Variants in FAN1 observed in about 807,000 individuals in gnomAD.
The protein encoded by FAN1 is FANCD2 and FANCI associated nuclease 1, also known as fanconi-associated nuclease 1.
In FAN1, 91 loss-of-function variants were observed where a neutral mutation model predicts 104.9. The observed-to-expected ratio is 0.87, with a 90% CI of 0.73 to 1.03. The LOEUF (loss-of-function observed/expected upper bound fraction) is 1.03, where lower values mean the gene tolerates loss of function less well. FAN1 is among the 50% of genes least tolerant of loss of function. The pLI, the probability that FAN1 is intolerant of heterozygous loss-of-function variation, is 0.00. For synonymous variants in FAN1, 478 were observed against 457.6 expected, an observed-to-expected ratio of 1.04 and a Z score of -0.57; for missense variants, 1,263 against 1,239.9, an observed-to-expected ratio of 1.02 and a Z score of -0.28.
In FAN1 at chr15:30,930,636, C is replaced by CTGG. The variant is rs1251358764; in HGVS notation, c.2887_2889dup (p.Val963dup). The CTGG allele has an allele frequency of 1.2e-6, 2 of 1,613,018 alleles. No homozygotes were observed. Among genetic ancestry groups the CTGG allele is most frequent in the African/African-American group, 2.7e-5 (2 of 75,002 alleles). ...ACACTGTCGAGGGGGCCTCCCCGAC[C>CTGG]TGGTGGTGTGGAACTCCCAGAGCCG... On this transcript the variant is annotated inframe_insertion, in exon 13 of 15. Coordinates refer to ENST00000362065, the MANE Select transcript of FAN1 (RefSeq NM_014967.5).
At position 30,929,395 on chromosome 15, in the gene FAN1, C is replaced by T; in HGVS notation, c.2785C>T (p.Gln929Ter). Reference sequence around the variant, plus strand: ...TCGCTTCACGTCTCTTCAGCAAGCTCAGGTAATGGTTCACCTGCATGGCAG... The same window carrying T: ...TCGCTTCACGTCTCTTCAGCAAGCTTAGGTAATGGTTCACCTGCATGGCAG... ...WDRFTSLQQA[Q>*]DLVSCLGGPV... The change falls in exon 12 of 15, where the codon CAG (glutamine) becomes TAG (stop). Residue 929 changes from glutamine to a stop codon, truncating the protein, a stop_gained and splice_region_variant. Coordinates refer to ENST00000362065, the MANE Select transcript of FAN1 (RefSeq NM_014967.5). LOFTEE classifies it high-confidence loss of function. The T allele has an allele frequency of 6.2e-7, 1 of 1,601,354 alleles. No homozygotes were observed. Among genetic ancestry groups the T allele is most frequent in the Non-Finnish European group, 8.5e-7 (1 of 1,172,828 alleles).
At position 30,930,505 on chromosome 15, in the gene FAN1, C is replaced by T. The variant is rs201188725; in HGVS notation, c.2788-38C>T. 7.1e-4 allele frequency: 1,101 copies of T among 1,560,116 alleles called. 1 individual carries two copies. The highest frequency in any genetic ancestry group is 2.8e-3 in the African/African-American group (202 of 72,062). ...TGGAGCCTATTTCCATTCTCTGTCA[C>T]GAGGGAAGTGGCTAACTGTCCTGTG... On this transcript the variant is annotated intron_variant, in intron 12 of 14. Coordinates refer to ENST00000362065, the MANE Select transcript of FAN1 (RefSeq NM_014967.5).
At chr15:30,937,596 T>C (rs559758126) in intron 14 of FAN1, among the ~76,000 whole-genome samples, 1 of 151,556 alleles carries the variant, frequency 6.6e-6, no homozygotes, top group Non-Finnish European at 1.5e-5. Context: ...GGACTACAGG[T>C]GTGCGCCACC....
chr15:30,903,856 G>C (rs1250624198), upstream of FAN1: 1 of 152,576 alleles, frequency 6.6e-6, no homozygotes, highest in Non-Finnish European at 1.5e-5. Context: ...GATCGGCTGG[G>C]AATGCCTGGA....
At position 30,920,369 on chromosome 15, in the gene FAN1, C is replaced by T. The variant is rs146792812; in HGVS notation, c.1944-176C>T. Among the ~76,000 whole-genome samples the T allele has an allele frequency of 1.0e-3, 156 of 152,236 alleles. 1 individual carries two copies. The highest frequency in any genetic ancestry group is 1.9e-3 in the Non-Finnish European group (131 of 68,020). ...ACTCCACTGTCTGAGTGACCTAGGA[C>T]GTGGTAGCTGGCTGTGAGAATGTAG... is the stretch of plus-strand genomic sequence containing the variant. On this transcript the variant is annotated intron_variant, in intron 6 of 14. Transcript: ENST00000362065.
intron 13 of FAN1, 108 bp from the exon 14 acceptor site, chr15:30,937,011 G>C (rs2062873784): frequency 1.2e-6 from 1 of 825,690 alleles, no homozygotes; most frequent in Middle Eastern, 3.3e-4. Context: ...AATACAGTGA[G>C]AGAGCAGAAG....
intron 12 of FAN1, 124 bp downstream of exon 12, chr15:30,929,521 T>A: frequency 2.4e-6 from 1 of 414,636 alleles, no homozygotes; most frequent in Non-Finnish European, 4.2e-6. Context: ...TGTGTGCATA[T>A]ATATGATATA....
intron 4 of FAN1, 33 bp from the exon 5 acceptor site, chr15:30,913,825 C>G (rs529942718): frequency 7.0e-7 from 1 of 1,424,480 alleles, no homozygotes; most frequent in South Asian, 1.2e-5. Context: ...GCTTAAAAAG[C>G]TAAAAGTTAT....
At chr15:30,926,660 A>C (rs150303967) in intron 10 of FAN1, 1 of 985,364 alleles carries the variant, frequency 1.0e-6, no homozygotes, top group Non-Finnish European at 1.2e-6. Flanking sequence ...AGACAGAGAG[A>C]TACAGTAGGC....
At chr15:30,928,211 T>C in intron 10 of FAN1, 1 of 1,035,066 alleles carries the variant, frequency 9.7e-7, no homozygotes, top group Non-Finnish European at 1.2e-6. Context: ...GTCCCAGCCT[T>C]GGGAACCTGA....
chr15:30,940,750 GA>G, intron 14 of FAN1: 1 of 989,948 alleles, frequency 1.0e-6, no homozygotes, highest in Non-Finnish European at 1.2e-6. Context: ...TATGCAATGG[GA>G]TTTTCCCACC....
intron 6 of FAN1, among the ~76,000 whole-genome samples, chr15:30,919,564 G>A (rs2062272434): frequency 1.3e-5 from 2 of 150,966 alleles, no homozygotes; most frequent in Admixed American, 1.3e-4. Context: ...TGTGACGAGT[G>A]TCTGTAATCC....
chr15:30,928,506 T>TTG lies in FAN1; in HGVS notation c.2489-14_2489-13dup, dbSNP rs61136501. On this transcript the variant is annotated intron_variant, in intron 10 of 14. Coordinates refer to ENST00000362065, the MANE Select transcript of FAN1 (RefSeq NM_014967.5). ...TTGGAAGAAACAGATAAAACAGATT[T>TTG]TGTGTGTGTGTGTGTGTGTGTGTGT... 0.071 allele frequency: 102,641 copies of TTG among 1,450,806 alleles called. 450 individuals carry two copies. Among genetic ancestry groups the TTG allele is most frequent in the East Asian group, 0.27 (9,759 of 36,066 alleles). The allele number at this position is 1,450,806 out of a possible 1,614,324, so 89.9% of individuals were successfully genotyped here.
intron 7 of FAN1, 50 bp from the exon 8 acceptor site, chr15:30,922,185 G>A (rs2062349686): frequency 1.9e-6 from 3 of 1,588,960 alleles, no homozygotes; most frequent in Non-Finnish European, 2.6e-6. Flanking sequence ...TATCATTGCA[G>A]CTGGATTTTT....
Position 30,941,778 on chromosome 15 carries a change from T to C in FAN1, c.*216T>C, listed in dbSNP as rs1179057963. On this transcript the variant is annotated 3_prime_UTR_variant, in exon 15 of 15. Transcript: ENST00000362065. ...AGGGAGAGCTTGTGAAAGGCTGTGA[T>C]GGAGCCACCCAGGCTGATCTGGGCC... 1.2e-6 allele frequency: 2 copies of C among 1,613,886 alleles called. No homozygotes were observed. Among genetic ancestry groups the C allele is most frequent in the African/African-American group, 2.7e-5 (2 of 74,940 alleles).
intron 13 of FAN1, among the ~76,000 whole-genome samples, chr15:30,933,460 T>C (rs1276289000): frequency 6.6e-6 from 1 of 152,236 alleles, no homozygotes; most frequent in African/African-American, 2.4e-5. Context: ...TGATTTGTAA[T>C]TTAACTCCAT....
Position 30,905,583 on chromosome 15 carries a change from CTG to C in FAN1, c.922_923del (p.Val308CysfsTer5), listed in dbSNP as rs774499986. On this transcript the variant is annotated frameshift_variant, in exon 2 of 15. Coordinates refer to ENST00000362065, the MANE Select transcript of FAN1 (RefSeq NM_014967.5). LOFTEE classifies it high-confidence loss of function. ...TGTCATTGTGAAGAAGTAAAAATGACTGTTGCTTCAGAAGCTAAAATACAGCT... is the reference window on the plus strand; with the variant it reads ...TGTCATTGTGAAGAAGTAAAAATGACTTGCTTCAGAAGCTAAAATACAGCT... 192 of 1,613,856 alleles carry C rather than the reference CTG, an allele frequency of 1.2e-4. No homozygotes were observed. The highest frequency in any genetic ancestry group is 1.6e-4 in the Non-Finnish European group (186 of 1,179,848).
At chr15:30,919,896 G>T (rs2062283261) in intron 6 of FAN1, among the ~76,000 whole-genome samples, 1 of 152,138 alleles carries the variant, frequency 6.6e-6, no homozygotes, top group Non-Finnish European at 1.5e-5. Context: ...GACGTGTGCA[G>T]TTTAAACCCA....
At chr15:30,921,858 C>T (rs2062339195) in intron 7 of FAN1, among the ~76,000 whole-genome samples, 1 of 152,222 alleles carries the variant, frequency 6.6e-6, no homozygotes, top group South Asian at 2.1e-4. Flanking sequence ...TGCAGTTGGT[C>T]CTGTGACCTG....
Sources: allele counts gnomAD v4.1 joint callset (sites outside exome capture counted in the v4.1 genomes callset), GRCh38; gene constraint gnomAD v4.1.1; transcripts MANE v1.5; gene names NCBI Gene and HGNC (gene_info 2026-07-23, HGNC 2026-07-21).